The following ENOX2 variants were observed in gnomAD, a reference collection of about 807,000 sequenced individuals.
The protein encoded by ENOX2 is ecto-NOX disulfide-thiol exchanger 2, also known as APK1 antigen.
A neutral mutation model predicts 45.0 loss-of-function variants in ENOX2; 36 were observed. That is an observed-to-expected ratio of 0.80 (90% CI 0.61 to 1.06). ENOX2 has a LOEUF of 1.06. ENOX2 is among the 50% of genes least tolerant of loss of function. The pLI, the probability that ENOX2 is intolerant of heterozygous loss-of-function variation, is 0.00. For synonymous variants in ENOX2, 174 were observed against 152.3 expected (o/e 1.14, Z -1.05); for missense variants, 423 against 462.5 (o/e 0.91, Z 0.78).
intron 3 of ENOX2, among the ~76,000 whole-genome samples, chrX:130,778,867 G>C (rs2039914871): frequency 8.9e-6 from 1 of 112,282 alleles, no homozygotes; most frequent in East Asian, 2.8e-4. Flanking sequence ...GCCCACACCT[G>C]GATGCTCACT....
chrX:130,743,266 C>T (rs891697261), intron 3 of ENOX2, among the ~76,000 whole-genome samples: 4 of 111,690 alleles, frequency 3.6e-5, no homozygotes, highest in African/African-American at 1.3e-4. Flanking sequence ...CATGAGCCAA[C>T]AACATGAAAT....
At chrX:130,842,405 T>C (rs1445495389) in intron 2 of ENOX2, among the ~76,000 whole-genome samples, 1 of 111,814 alleles carries the variant, frequency 8.9e-6, no homozygotes, top group Non-Finnish European at 1.9e-5. Context: ...TCAAAGAAAA[T>C]ACCAAAAGAA....
At chrX:130,840,021 CTA>C (rs2077987580) in intron 2 of ENOX2, among the ~76,000 whole-genome samples, 1 of 111,077 alleles carries the variant, frequency 9.0e-6, no homozygotes, top group Non-Finnish European at 1.9e-5. Flanking sequence ...AGAAAACAGT[CTA>C]TATTTCATCC....
At position 130,685,701 on chromosome X, in the gene ENOX2, C is replaced by T. The variant is rs190369761; in HGVS notation, c.253+3162G>A. The stretch of plus-strand genomic sequence containing the variant: ...TTCACTACAGTTTTAGTTCCGATAC[C>T]TTCCATGTGGAAGTGAACCAGAAAG... On this transcript the variant is annotated intron_variant, in intron 5 of 14. Coordinates refer to ENST00000394363, the MANE Select transcript of ENOX2 (RefSeq NM_006375.4). 4.4e-3 allele frequency among the ~76,000 whole-genome samples: 494 copies of T among 111,856 alleles called. 2 individuals are homozygous for T. The highest frequency in any genetic ancestry group is 0.015 in the African/African-American group (469 of 30,758).
chrX:130,880,210 G>A (rs1457137665), intron 2 of ENOX2, among the ~76,000 whole-genome samples: 1 of 111,819 alleles, frequency 8.9e-6, no homozygotes, highest in African/African-American at 3.2e-5. Context: ...TTCAGGATGT[G>A]CTAAAAATTT....
Position 130,625,174 on chromosome X carries a change from T to G in ENOX2, c.*140A>C. The G allele has an allele frequency of 2.6e-6, 2 of 771,700 alleles. No homozygotes were observed. Among genetic ancestry groups the G allele is most frequent in the South Asian group, 5.8e-5 (2 of 34,509 alleles). The allele number at this position is 771,700 out of a possible 1,213,427, so 63.6% of individuals were successfully genotyped here. On this transcript the variant is annotated 3_prime_UTR_variant, in exon 15 of 15. Coordinates refer to ENST00000394363, the MANE Select transcript of ENOX2 (RefSeq NM_006375.4). ...GAGGTGCTGTCCTAGGATCCTTATTTTAACTCAAAAGATTTTCCAGGAATG... is the reference window on the plus strand; with the variant it reads ...GAGGTGCTGTCCTAGGATCCTTATTGTAACTCAAAAGATTTTCCAGGAATG...
intron 2 of ENOX2, among the ~76,000 whole-genome samples, chrX:130,808,523 C>T (rs1196903626): frequency 8.9e-6 from 1 of 111,753 alleles, no homozygotes; most frequent in Admixed American, 9.5e-5. Flanking sequence ...AAAGCAAGTT[C>T]CAATATTTAG....
intron 2 of ENOX2, among the ~76,000 whole-genome samples, chrX:130,796,749 GA>G (rs1427635779): frequency 6.3e-5 from 7 of 111,445 alleles, no homozygotes; most frequent in African/African-American, 2.0e-4. Flanking sequence ...AATTTTATTA[GA>G]AAATCTTAAC....
At chrX:130,819,420 C>T (rs2077553401) in intron 2 of ENOX2, among the ~76,000 whole-genome samples, 2 of 112,024 alleles carry the variant, frequency 1.8e-5, no homozygotes, top group Admixed American at 1.9e-4. Context: ...AAAACACACG[C>T]ACACGTATGT....
chrX:130,837,450 G>A (rs763456385), intron 2 of ENOX2, among the ~76,000 whole-genome samples: 1 of 111,821 alleles, frequency 8.9e-6, no homozygotes, highest in Non-Finnish European at 1.9e-5. Context: ...AGTTGAAATG[G>A]TCCTTTGAGG....
At chrX:130,649,345 T>C (rs1191640843) in intron 10 of ENOX2, among the ~76,000 whole-genome samples, 2 of 109,379 alleles carry the variant, frequency 1.8e-5, no homozygotes, top group African/African-American at 6.6e-5. Context: ...CACATTAGCG[T>C]GAAAACATTC....
chrX:130,805,128 T>C (rs1205799050), intron 2 of ENOX2, among the ~76,000 whole-genome samples: 1 of 111,851 alleles, frequency 8.9e-6, no homozygotes, highest in Non-Finnish European at 1.9e-5. Context: ...ACTTCTCAGC[T>C]TCTAAACTGT....
intron 3 of ENOX2, among the ~76,000 whole-genome samples, chrX:130,750,767 T>C (rs1432512772): frequency 9.0e-6 from 1 of 111,690 alleles, no homozygotes; most frequent in Non-Finnish European, 1.9e-5. Flanking sequence ...TTTTCATTTC[T>C]CTTTCCCTCT....
chrX:130,726,627 G>A (rs1167332007), intron 3 of ENOX2, among the ~76,000 whole-genome samples: 1 of 112,225 alleles, frequency 8.9e-6, no homozygotes, highest in African/African-American at 3.2e-5. Flanking sequence ...ACTCTGCCAG[G>A]GGCATATCGT....
intron 4 of ENOX2, among the ~76,000 whole-genome samples, chrX:130,698,028 GT>G (rs1236557850): frequency 2.7e-5 from 3 of 111,379 alleles, no homozygotes; most frequent in African/African-American, 9.8e-5. Context: ...CTCGTTCTTT[GT>G]GGGGACCTCA....
intron 2 of ENOX2, among the ~76,000 whole-genome samples, chrX:130,870,626 A>G (rs2078563084): frequency 9.0e-6 from 1 of 111,629 alleles, no homozygotes; most frequent in African/African-American, 3.2e-5. Flanking sequence ...TTACAAGGAG[A>G]AAGTACAAAG....
intron 9 of ENOX2, among the ~76,000 whole-genome samples, chrX:130,661,189 GTTTC>G (rs2036678123): frequency 2.8e-5 from 3 of 107,362 alleles, no homozygotes; most frequent in Non-Finnish European, 5.8e-5. Context: ...CTTAGCCAGA[GTTTC>G]TTTTTTTTTT....
intron 14 of ENOX2, among the ~76,000 whole-genome samples, chrX:130,626,066 G>A (rs1323250227): frequency 9.0e-6 from 1 of 111,704 alleles, no homozygotes; most frequent in East Asian, 2.8e-4. Flanking sequence ...CTTGGCACCA[G>A]GGCTTGGGTA....
At chrX:130,764,076 G>A (rs954682503) in intron 3 of ENOX2, among the ~76,000 whole-genome samples, 1 of 110,627 alleles carries the variant, frequency 9.0e-6, no homozygotes, top group African/African-American at 3.3e-5. Flanking sequence ...CAAAATCTCC[G>A]AGTATGAGAT....
Sources: gnomAD v4.1 joint callset for allele counts (sites outside exome capture counted in the v4.1 genomes callset) on GRCh38, gnomAD v4.1.1 for gene constraint, MANE v1.5 for transcripts, NCBI Gene and HGNC (gene_info 2026-07-23, HGNC 2026-07-21) for gene names.